The following CHST9 variants were observed in gnomAD, a reference collection of about 807,000 sequenced individuals.
CHST9 encodes carbohydrate sulfotransferase 9.
CHST9 carries 41 observed loss-of-function variants against 44.4 expected under a neutral mutation model. That is an observed-to-expected ratio of 0.92 (90% CI 0.72 to 1.20). The LOEUF is 1.20. Among genes scored for constraint, CHST9 ranks in the 50% most tolerant of loss-of-function variants. The pLI is 0.00. For synonymous variants in CHST9, 171 were observed against 178.4 expected, an observed-to-expected ratio of 0.96 and a Z score of 0.33; for missense variants, 504 against 516.5, an observed-to-expected ratio of 0.98 and a Z score of 0.23.
At chr18:26,917,643 G>A (rs2145048273) in intron 5 of CHST9, among the ~76,000 whole-genome samples, 1 of 152,188 alleles carries the variant, frequency 6.6e-6, no homozygotes, top group East Asian at 1.9e-4. Flanking sequence ...GAGCATCTAT[G>A]ACTTTTGGGA....
At chr18:27,166,091 T>C (rs564400647) in intron 1 of CHST9, among the ~76,000 whole-genome samples, 2 of 152,310 alleles carry the variant, frequency 1.3e-5, no homozygotes, top group African/African-American at 4.8e-5. Flanking sequence ...TCTTCTGTCT[T>C]GGAGTTCTCC....
chr18:27,149,689 G>A (rs539608160), intron 1 of CHST9, among the ~76,000 whole-genome samples: 1 of 148,578 alleles, frequency 6.7e-6, no homozygotes, highest in Non-Finnish European at 1.5e-5. Flanking sequence ...GTTTTCAACT[G>A]CTCTGCCATT....
rs573229485 is a variant in CHST9, at chr18:26,908,588, A to T, written c.*7671T>A. On this transcript the variant is annotated 3_prime_UTR_variant, in exon 6 of 6. Transcript: ENST00000618847. ...AGTAATTTTTAAATAAATAAATAAA[A>T]AAGGCAGGACTTCTATTCAGAGGCT... 8 of 152,330 alleles carry T rather than the reference A, an allele frequency of 5.3e-5. No individual in the cohort carries two copies. The highest frequency in any genetic ancestry group is 8.8e-5 in the Non-Finnish European group (6 of 68,036). The allele number at this position is 152,330 out of a possible 1,614,324, so 9.4% of individuals were successfully genotyped here.
At chr18:27,114,823 A>G (rs1272324301) in intron 2 of CHST9, among the ~76,000 whole-genome samples, 1 of 152,186 alleles carries the variant, frequency 6.6e-6, no homozygotes, top group Non-Finnish European at 1.5e-5. Context: ...AGAATACCAC[A>G]TTCCACATTT....
intron 2 of CHST9, among the ~76,000 whole-genome samples, chr18:27,089,357 A>G (rs1406341791): frequency 6.7e-6 from 1 of 148,176 alleles, no homozygotes; most frequent in Non-Finnish European, 1.5e-5. Flanking sequence ...TCATTGTTCA[A>G]TTCCCAGCTA....
chr18:27,096,872 C>T (rs1598721609), intron 2 of CHST9, among the ~76,000 whole-genome samples: 1 of 152,046 alleles, frequency 6.6e-6, no homozygotes, highest in Admixed American at 6.6e-5. Context: ...GGTACCAATT[C>T]TACTGAACCT....
chr18:27,024,179 AT>A, intron 3 of CHST9, 22 bp from the exon 4 acceptor site: 20 of 1,603,574 alleles, frequency 1.2e-5, no homozygotes, highest in Non-Finnish European at 1.7e-5. Flanking sequence ...GAGGAAAGAA[AT>A]TCATATATTA....
chr18:26,924,220 G>T (rs993089864), intron 5 of CHST9, among the ~76,000 whole-genome samples: 2 of 152,276 alleles, frequency 1.3e-5, no homozygotes, highest in Middle Eastern at 3.4e-3. Flanking sequence ...GGGTAAGAAT[G>T]AAGAAAAAGG....
At chr18:27,057,956 C>A (rs185144744) in intron 2 of CHST9, among the ~76,000 whole-genome samples, 101 of 152,340 alleles carry the variant, frequency 6.6e-4, no homozygotes, top group African/African-American at 2.4e-3. Flanking sequence ...CAAACAACAG[C>A]CCCTTTCAGA....
chr18:27,072,904 C>T (rs560258439), intron 2 of CHST9, among the ~76,000 whole-genome samples: 8 of 152,142 alleles, frequency 5.3e-5, no homozygotes, highest in East Asian at 1.9e-4. Context: ...GGGGACAAGC[C>T]GCAGTATGAT....
Position 26,946,831 on chromosome 18 carries a change from T to C in CHST9, c.203-2465A>G, listed in dbSNP as rs571819976. The stretch of plus-strand genomic sequence containing the variant: ...TTTGTCAAGATCAGATGGTTGTAGA[T>C]GTGTGGTGTTATTTCTGAGGCCTCT... On this transcript the variant is annotated intron_variant, in intron 4 of 5. Coordinates refer to ENST00000618847, the MANE Select transcript of CHST9 (RefSeq NM_031422.6). 4.7e-4 allele frequency among the ~76,000 whole-genome samples: 72 copies of C among 152,212 alleles called. No individual in the cohort carries two copies. In the South Asian group the frequency reaches 0.015, roughly 31 times the overall value.
At chr18:27,153,526 TTC>T (rs769722858) in intron 1 of CHST9, among the ~76,000 whole-genome samples, 321 of 140,400 alleles carry the variant, frequency 2.3e-3, no homozygotes, top group African/African-American at 6.4e-3. Context: ...CTCTCTGTCT[TTC>T]TCTCTCTCTC....
chr18:27,038,735 G>A (rs2057415310), intron 3 of CHST9, among the ~76,000 whole-genome samples: 1 of 151,954 alleles, frequency 6.6e-6, no homozygotes, highest in Non-Finnish European at 1.5e-5. Context: ...TAACTTTATT[G>A]TTTCCATAGA....
chr18:27,173,274 G>T (rs1480275707), intron 1 of CHST9, among the ~76,000 whole-genome samples: 1 of 151,976 alleles, frequency 6.6e-6, no homozygotes, highest in Non-Finnish European at 1.5e-5. Flanking sequence ...AACAGTGCTT[G>T]CCAGTCTTCC....
intron 2 of CHST9, among the ~76,000 whole-genome samples, chr18:27,061,450 G>C (rs914636939): frequency 2.0e-5 from 3 of 152,160 alleles, no homozygotes; most frequent in African/African-American, 7.2e-5. Flanking sequence ...CTGTACTTTA[G>C]AGGATCTTCT....
chr18:27,169,703 T>TTCACACCATTCTCCTGCCTCAGCC (rs1287793710), intron 1 of CHST9, among the ~76,000 whole-genome samples: 9 of 149,304 alleles, frequency 6.0e-5, no homozygotes, highest in African/African-American at 1.7e-4. Flanking sequence ...GCCTCCCAGG[T>TTCACACCATTCTCCTGCCTCAGCC]TCACACCATT....
chr18:27,154,837 C>G (rs1265090115), intron 1 of CHST9, among the ~76,000 whole-genome samples: 1 of 151,926 alleles, frequency 6.6e-6, no homozygotes, highest in Non-Finnish European at 1.5e-5. Flanking sequence ...AATCCCAGCA[C>G]TTTGGGAGGC....
chr18:27,026,019 T>C (rs1442622468), intron 3 of CHST9, among the ~76,000 whole-genome samples: 4 of 152,220 alleles, frequency 2.6e-5, no homozygotes, highest in Non-Finnish European at 5.9e-5. Context: ...ATTGATTGTA[T>C]GAGAGATTGT....
chr18:27,085,493 A>C (rs1008456166), intron 2 of CHST9, among the ~76,000 whole-genome samples: 6 of 152,152 alleles, frequency 3.9e-5, no homozygotes, highest in Non-Finnish European at 8.8e-5. Flanking sequence ...AAGAAGACAC[A>C]CAAGTGGTCA....
Sources: gnomAD v4.1 joint callset for allele counts (sites outside exome capture counted in the v4.1 genomes callset) on GRCh38, gnomAD v4.1.1 for gene constraint, MANE v1.5 for transcripts, NCBI Gene and HGNC (gene_info 2026-07-23, HGNC 2026-07-21) for gene names.